Variants in CDC73 observed in about 807,000 individuals in gnomAD.
CDC73 encodes the protein parafibromin.
In CDC73, 21 loss-of-function variants were observed where a neutral mutation model predicts 83.7. The observed-to-expected ratio is 0.25, with a 90% confidence interval of 0.18 to 0.36. CDC73 has a LOEUF of 0.36. Among genes scored for constraint, CDC73 ranks in the 10% least tolerant of loss-of-function variants. CDC73 has a pLI of 1.00. For missense variants in CDC73, 342 were observed against 653.3 expected (o/e 0.52, Z 5.19); for synonymous variants, 224 against 212.9 (o/e 1.05, Z -0.45).
rs370626006 is a variant in CDC73, at chr1:193,243,244, T to A, written c.1418-6486T>A. Among the ~76,000 whole-genome samples, 7 of 151,394 alleles carry A rather than the reference T, an allele frequency of 4.6e-5. 1 individual carries two copies. The highest frequency in any genetic ancestry group is 1.7e-4 in the African/African-American group (7 of 40,662). On this transcript the variant is annotated intron_variant, in intron 15 of 16. Transcript: ENST00000367435. ...CGTGAGCCACCGTGCCCAGCTTACT[T>A]CTTGTTTTTAACTTCCAGAGGCTTA...
rs186971899 is a variant in CDC73 at position 193,248,158 on chromosome 1, C to A, written c.1418-1572C>A. ...TACAGATGGGGACTTTGAGTTGCAA[C>A]CAGTGGTCACTTAACATTCTAAATA... On this transcript the variant is annotated intron_variant, in intron 15 of 16. Transcript: ENST00000367435. 2.0e-5 allele frequency among the ~76,000 whole-genome samples: 3 copies of A among 152,106 alleles called. No homozygotes were observed. The East Asian group carries it at 5.8e-4, about 29-fold the overall frequency.
intron 10 of CDC73, among the ~76,000 whole-genome samples, chr1:193,193,119 T>A (rs1025273763): frequency 2.0e-5 from 3 of 152,326 alleles, no homozygotes; most frequent in Middle Eastern, 3.4e-3. Flanking sequence ...ACAAGAGACA[T>A]GCCAAGTTTA....
intron 10 of CDC73, among the ~76,000 whole-genome samples, chr1:193,171,745 C>G (rs931063693): frequency 6.6e-6 from 1 of 152,048 alleles, no homozygotes; most frequent in Non-Finnish European, 1.5e-5. Flanking sequence ...GTAACTTTGC[C>G]ATGTAATGTT....
At chr1:193,171,993 C>G (rs1396271758) in intron 10 of CDC73, among the ~76,000 whole-genome samples, 2 of 152,148 alleles carry the variant, frequency 1.3e-5, no homozygotes, top group African/African-American at 2.4e-5. Flanking sequence ...AGTGGCATCT[C>G]AGCTCACTGC....
At chr1:193,233,368 T>A (rs1025367783) in intron 14 of CDC73, among the ~76,000 whole-genome samples, 4 of 151,978 alleles carry the variant, frequency 2.6e-5, no homozygotes, top group African/African-American at 9.7e-5. Context: ...GCAGCCTATA[T>A]TTTTTAAATA....
chr1:193,161,117 T>A (rs1218220943), intron 10 of CDC73: 1 of 175,070 alleles, frequency 5.7e-6, no homozygotes. Flanking sequence ...TTGGTTTCTT[T>A]TCCAGGTCTT....
intron 1 of CDC73, 62 bp downstream of exon 1, chr1:193,122,393 C>T (rs1380717537): frequency 3.7e-6 from 6 of 1,609,600 alleles, no homozygotes; most frequent in Non-Finnish European, 4.2e-6. Context: ...CCCAGGCGAC[C>T]TCTTTCTTAA....
chr1:193,245,651 C>A (rs1677941465), intron 15 of CDC73, among the ~76,000 whole-genome samples: 1 of 152,058 alleles, frequency 6.6e-6, no homozygotes, highest in Admixed American at 6.6e-5. Flanking sequence ...GATAAATGCC[C>A]ATTAATGAGG....
Position 193,254,210 on chromosome 1 carries a change from T to C in CDC73, c.*3498T>C, listed in dbSNP as rs913606075. On this transcript the variant is annotated 3_prime_UTR_variant, in exon 17 of 17. Transcript: ENST00000367435. ...AAAAAAAGATTCTTAATAAAGAAAT[T>C]ATTGGTTTGTCTGGTTAAAGTCCAT... 4.6e-5 allele frequency among the ~76,000 whole-genome samples: 7 copies of C among 151,920 alleles called. No homozygotes were observed. Among genetic ancestry groups the C allele is most frequent in the Non-Finnish European group, 1.0e-4 (7 of 67,890 alleles).
intron 10 of CDC73, among the ~76,000 whole-genome samples, chr1:193,183,204 G>A (rs1676748904): frequency 1.3e-5 from 2 of 151,686 alleles, no homozygotes; most frequent in South Asian, 4.2e-4. Flanking sequence ...GAATGAAAGT[G>A]CTATTATAGT....
At chr1:193,123,132 C>T (rs1490392340) in intron 1 of CDC73, among the ~76,000 whole-genome samples, 1 of 152,072 alleles carries the variant, frequency 6.6e-6, no homozygotes, top group Non-Finnish European at 1.5e-5. Context: ...AGAATTAGAA[C>T]CTTGAGCTAC....
chr1:193,216,163 G>C (rs1366752882), intron 13 of CDC73, among the ~76,000 whole-genome samples: 1 of 151,998 alleles, frequency 6.6e-6, no homozygotes, highest in South Asian at 2.1e-4. Flanking sequence ...CCAAAATTTG[G>C]TTCTTTGAAA....
At position 193,254,303 on chromosome 1, in the gene CDC73, A is replaced by C. The variant is rs1040208479; in HGVS notation, c.*3591A>C. On this transcript the variant is annotated 3_prime_UTR_variant, in exon 17 of 17. Transcript: ENST00000367435. ...ATTTGTTCTCAGCTGAAAAGTTGGC[A>C]GCTGCTCTGTTTCTTTAAAAAAGTA... is the stretch of plus-strand genomic sequence containing the variant. Among the ~76,000 whole-genome samples the C allele has an allele frequency of 6.6e-6, 1 of 152,106 alleles. No homozygotes were observed. The highest frequency in any genetic ancestry group is 1.5e-5 in the Non-Finnish European group (1 of 67,948).
chr1:193,134,902 G>A (rs2103121078), intron 3 of CDC73, among the ~76,000 whole-genome samples: 1 of 152,180 alleles, frequency 6.6e-6, no homozygotes, highest in South Asian at 2.1e-4. Context: ...ATGGGGACAG[G>A]TATACCCCTT....
intron 10 of CDC73, among the ~76,000 whole-genome samples, chr1:193,156,492 G>T (rs1433356533): frequency 6.6e-6 from 1 of 152,092 alleles, no homozygotes; most frequent in Non-Finnish European, 1.5e-5. Context: ...TTGACAGTAA[G>T]TAAACTTAGG....
At chr1:193,167,942 C>T (rs1365972699) in intron 10 of CDC73, among the ~76,000 whole-genome samples, 1 of 152,112 alleles carries the variant, frequency 6.6e-6, no homozygotes, top group East Asian at 1.9e-4. Flanking sequence ...CTTACTGCAA[C>T]CTCTGCCTCC....
At chr1:193,192,829 A>G (rs6676878) in intron 10 of CDC73, among the ~76,000 whole-genome samples, 110,040 of 152,120 alleles carry the variant, frequency 0.72, 40,072 homozygotes, top group South Asian at 0.82. Context: ...TAATCTGGTC[A>G]CCCTCCGCTG....
rs962022000 is a variant in CDC73, at chr1:193,250,576, ATTTTAAG to A, written c.1560-92_1560-86del. 11 of 843,326 alleles carry A rather than the reference ATTTTAAG, an allele frequency of 1.3e-5. No individual in the cohort carries two copies. The African/African-American group carries it at 1.4e-4, about 10-fold the overall frequency. The allele number at this position is 843,326 out of a possible 1,614,324, so 52.2% of individuals were successfully genotyped here. A position where few individuals can be genotyped will look rare whatever the true frequency, so the allele number is the denominator to read the frequency against. ...TAGAAAACAGCATTTTATTCTGTTG[ATTTTAAG>A]TTTTAAGAAATGTCAACTTGTTTTT... On this transcript the variant is annotated intron_variant, in intron 16 of 16. Coordinates refer to ENST00000367435, the MANE Select transcript of CDC73 (RefSeq NM_024529.5).
At chr1:193,123,059 G>A (rs1393206505) in intron 1 of CDC73, among the ~76,000 whole-genome samples, 3 of 152,162 alleles carry the variant, frequency 2.0e-5, no homozygotes, top group Admixed American at 6.5e-5. Flanking sequence ...AACTTCTAGA[G>A]ACGGCTCTAA....
Sources: gnomAD v4.1 joint callset for allele counts (sites outside exome capture counted in the v4.1 genomes callset) on GRCh38, gnomAD v4.1.1 for gene constraint, MANE v1.5 for transcripts, NCBI Gene and HGNC (gene_info 2026-07-23, HGNC 2026-07-21) for gene names.